NDUFAF2: variants seen among roughly 807,000 people sequenced by gnomAD.
NDUFAF2 encodes the protein NADH dehydrogenase [ubiquinone] 1 alpha subcomplex assembly factor 2.
Under a neutral mutation model 22.8 loss-of-function variants are expected in NDUFAF2, and 13 were observed. That is an observed-to-expected ratio of 0.57 (90% CI 0.37 to 0.91). The LOEUF is 0.91. Ranked by LOEUF, NDUFAF2 falls within the 40% of genes least tolerant of loss-of-function variation. The pLI, the probability that NDUFAF2 is intolerant of heterozygous loss-of-function variation, is 0.01. For missense variants in NDUFAF2, 162 were observed against 195.2 expected, an observed-to-expected ratio of 0.83 and a Z score of 1.01; for synonymous variants, 53 against 64.2, an observed-to-expected ratio of 0.83 and a Z score of 0.84.
intron 1 of NDUFAF2, among the ~76,000 whole-genome samples, chr5:60,988,233 G>C (rs556108026): frequency 8.5e-5 from 13 of 152,084 alleles, no homozygotes; most frequent in Non-Finnish European, 1.8e-4. Flanking sequence ...GGAGGTAAAA[G>C]ATCTCTACAA....
intron 3 of NDUFAF2, among the ~76,000 whole-genome samples, chr5:61,119,484 G>A (rs1178257130): frequency 1.3e-5 from 2 of 151,930 alleles, no homozygotes; most frequent in Non-Finnish European, 2.9e-5. Context: ...TGATCTTATT[G>A]CAAATTTACA....
At chr5:61,021,561 C>T (rs1418721727) in intron 1 of NDUFAF2, among the ~76,000 whole-genome samples, 2 of 152,158 alleles carry the variant, frequency 1.3e-5, no homozygotes. Flanking sequence ...GGAATTAGTA[C>T]ATAGACATCT....
chr5:61,066,007 G>A (rs745320084), intron 1 of NDUFAF2, among the ~76,000 whole-genome samples: 97 of 151,846 alleles, frequency 6.4e-4, no homozygotes, highest in Admixed American at 4.6e-4. Flanking sequence ...TAAAGTTACA[G>A]GATACAAAAA....
intron 3 of NDUFAF2, among the ~76,000 whole-genome samples, chr5:61,123,384 C>T (rs1752999356): frequency 6.6e-6 from 1 of 152,058 alleles, no homozygotes; most frequent in Non-Finnish European, 1.5e-5. Context: ...TATAGTATAG[C>T]CCATTACTCC....
chr5:61,027,990 A>C (rs922669814), intron 1 of NDUFAF2, among the ~76,000 whole-genome samples: 1 of 152,010 alleles, frequency 6.6e-6, no homozygotes, highest in African/African-American at 2.4e-5. Flanking sequence ...CCTTCTTTCC[A>C]CCTTCATGGA....
chr5:61,055,602 A>G (rs1752077613), intron 1 of NDUFAF2, among the ~76,000 whole-genome samples: 2 of 152,190 alleles, frequency 1.3e-5, no homozygotes, highest in Admixed American at 1.3e-4. Flanking sequence ...TTGCCAGCCA[A>G]TAAGTGGTGC....
intron 2 of NDUFAF2, among the ~76,000 whole-genome samples, chr5:61,093,906 TG>T (rs1334568918): frequency 6.6e-6 from 1 of 152,226 alleles, no homozygotes; most frequent in African/African-American, 2.4e-5. Flanking sequence ...CTTTTTTGGT[TG>T]GTAGGCTATT....
At chr5:61,070,596 TACACACACACACAC>T (rs10651718) in intron 1 of NDUFAF2, among the ~76,000 whole-genome samples, 2 of 147,974 alleles carry the variant, frequency 1.4e-5, no homozygotes, top group African/African-American at 2.5e-5. Context: ...TGTCTTTGCA[TACACACACACACAC>T]ACACACACAC....
At chr5:60,967,418 C>T (rs144023525) in intron 1 of NDUFAF2, among the ~76,000 whole-genome samples, 69 of 152,040 alleles carry the variant, frequency 4.5e-4, no homozygotes, top group Non-Finnish European at 7.7e-4. Flanking sequence ...TGTCTTGATT[C>T]GGATCTTAGA....
intron 3 of NDUFAF2, chr5:61,114,577 G>A (rs10939882): frequency 0.51 from 77,971 of 151,958 alleles, 21,478 homozygotes; most frequent in East Asian, 0.91. Context: ...TTTCCTGGAT[G>A]GTCTTGATGC....
chr5:61,086,187 TAG>T (rs1204542513), intron 2 of NDUFAF2, among the ~76,000 whole-genome samples: 1 of 152,022 alleles, frequency 6.6e-6, no homozygotes, highest in Admixed American at 6.6e-5. Flanking sequence ...AAGACTTAAA[TAG>T]AGAGATGTAC....
At chr5:61,010,097 C>G (rs771646110) in intron 1 of NDUFAF2, among the ~76,000 whole-genome samples, 25 of 152,052 alleles carry the variant, frequency 1.6e-4, no homozygotes, top group Non-Finnish European at 2.6e-4. Flanking sequence ...CTACCCTGGT[C>G]TAGTCATCTG....
rs1580072515 is a variant in NDUFAF2, at chr5:60,970,450, T to C, written c.127+25068T>C. 2.0e-5 allele frequency among the ~76,000 whole-genome samples: 3 copies of C among 152,172 alleles called. No homozygotes were observed. In the East Asian group the frequency reaches 5.8e-4, roughly 29 times the overall value. On this transcript the variant is annotated intron_variant, in intron 1 of 3. Coordinates refer to ENST00000296597, the MANE Select transcript of NDUFAF2 (RefSeq NM_174889.5). Reference sequence around the variant, plus strand: ...TTCATTGTAGACATCTTTCACTTTTTTGGTTAAGGTAATTTTTAGGTATTT... The same window carrying C: ...TTCATTGTAGACATCTTTCACTTTTCTGGTTAAGGTAATTTTTAGGTATTT...
chr5:60,975,006 A>C (rs1005251186), intron 1 of NDUFAF2, among the ~76,000 whole-genome samples: 5 of 151,858 alleles, frequency 3.3e-5, no homozygotes, highest in African/African-American at 1.2e-4. Context: ...ACGAGGTTTC[A>C]CCATGTTGGC....
At chr5:61,045,096 A>C (rs1751932431) in intron 1 of NDUFAF2, among the ~76,000 whole-genome samples, 2 of 141,348 alleles carry the variant, frequency 1.4e-5, no homozygotes, top group Admixed American at 1.4e-4. Context: ...AATAAAATAA[A>C]GTTTTATTAA....
intron 1 of NDUFAF2, among the ~76,000 whole-genome samples, chr5:61,056,922 ATATATAT>A (rs1405061724): frequency 4.0e-3 from 171 of 42,466 alleles, no homozygotes; most frequent in African/African-American, 0.019. Flanking sequence ...AAAAAAAAAT[ATATATAT>A]ATATATATAT....
intron 2 of NDUFAF2, among the ~76,000 whole-genome samples, chr5:61,074,587 G>C (rs1371504214): frequency 6.7e-6 from 1 of 148,870 alleles, no homozygotes; most frequent in African/African-American, 2.5e-5. Flanking sequence ...CTCCATCTCA[G>C]AAAATAACAA....
intron 3 of NDUFAF2, among the ~76,000 whole-genome samples, chr5:61,123,346 T>C (rs1382904774): frequency 6.6e-6 from 1 of 152,128 alleles, no homozygotes; most frequent in Non-Finnish European, 1.5e-5. Flanking sequence ...GAAAACTAGA[T>C]AGTATAGCCT....
intron 1 of NDUFAF2, among the ~76,000 whole-genome samples, chr5:60,967,046 A>G (rs1750766477): frequency 6.6e-6 from 1 of 152,024 alleles, no homozygotes; most frequent in African/African-American, 2.4e-5. Context: ...TCTTCAGTGT[A>G]TGGATTTTTC....
Sources: allele counts gnomAD v4.1 joint callset (sites outside exome capture counted in the v4.1 genomes callset), GRCh38; gene constraint gnomAD v4.1.1; transcripts MANE v1.5; gene names NCBI Gene and HGNC (gene_info 2026-07-23, HGNC 2026-07-21).